The following SPTLC3 variants were observed in gnomAD, a reference collection of about 807,000 sequenced individuals.
SPTLC3 encodes the protein serine palmitoyltransferase long chain base subunit 3.
In SPTLC3, 36 loss-of-function variants were observed where a neutral mutation model predicts 59.3. That is an observed-to-expected ratio of 0.61 (90% CI 0.47 to 0.80). SPTLC3 has a LOEUF of 0.80. Ranked by LOEUF, SPTLC3 falls within the 30% of genes least tolerant of loss-of-function variation. The pLI, the probability that SPTLC3 is intolerant of heterozygous loss-of-function variation, is 0.00. For synonymous variants in SPTLC3, 257 were observed against 240.8 expected (o/e 1.07, Z -0.62); for missense variants, 625 against 685.1 (o/e 0.91, Z 0.98).
intron 1 of SPTLC3, among the ~76,000 whole-genome samples, chr20:13,040,046 C>CGTGT (rs3038800): frequency 0.022 from 3,319 of 147,978 alleles, 90 homozygotes; most frequent in African/African-American, 0.061. Flanking sequence ...TATGCATGTA[C>CGTGT]GTGTGTGTGT....
chr20:13,137,663 G>T (rs748372768), intron 9 of SPTLC3, among the ~76,000 whole-genome samples: 23 of 152,114 alleles, frequency 1.5e-4, no homozygotes, highest in Non-Finnish European at 1.9e-4. Flanking sequence ...TCTGTTCATT[G>T]AAGTAGTTCA....
chr20:13,140,546 T>C (rs1345978333), intron 9 of SPTLC3, among the ~76,000 whole-genome samples: 1 of 152,164 alleles, frequency 6.6e-6, no homozygotes, highest in African/African-American at 2.4e-5. Flanking sequence ...TCACTTGCAT[T>C]TTATCTACTT....
chr20:13,116,460 T>G (rs920110488), intron 7 of SPTLC3, among the ~76,000 whole-genome samples: 2 of 152,190 alleles, frequency 1.3e-5, no homozygotes, highest in East Asian at 1.9e-4. Context: ...TACTGTCAGA[T>G]TTTTTTAATC....
intron 9 of SPTLC3, among the ~76,000 whole-genome samples, chr20:13,129,389 T>C (rs773293697): frequency 6.6e-6 from 1 of 152,216 alleles, no homozygotes; most frequent in Admixed American, 6.5e-5. Context: ...TGAAAAACTG[T>C]TCTGGAACTA....
At chr20:13,053,273 C>A (rs2122511268) in intron 2 of SPTLC3, among the ~76,000 whole-genome samples, 1 of 152,264 alleles carries the variant, frequency 6.6e-6, no homozygotes, top group Admixed American at 6.5e-5. Context: ...GGGCCTCCAG[C>A]AAACTCCAGC....
At chr20:13,119,092 C>T (rs1157535755) in intron 8 of SPTLC3, among the ~76,000 whole-genome samples, 1 of 152,200 alleles carries the variant, frequency 6.6e-6, no homozygotes, top group Admixed American at 6.5e-5. Context: ...CCTAGACTGT[C>T]GAAGCAGTAG....
intron 6 of SPTLC3, among the ~76,000 whole-genome samples, chr20:13,104,424 C>G (rs1295564472): frequency 6.6e-6 from 1 of 152,188 alleles, no homozygotes; most frequent in Admixed American, 6.5e-5. Context: ...TTGGCTCCCA[C>G]TCTCTCGTCT....
At chr20:13,127,993 G>A (rs1432257188) in intron 9 of SPTLC3, among the ~76,000 whole-genome samples, 1 of 152,198 alleles carries the variant, frequency 6.6e-6, no homozygotes, top group Non-Finnish European at 1.5e-5. Flanking sequence ...CCTTAGATGA[G>A]TGACTTATCT....
intron 4 of SPTLC3, among the ~76,000 whole-genome samples, chr20:13,081,389 G>A (rs1413503653): frequency 1.3e-5 from 2 of 152,130 alleles, no homozygotes; most frequent in Non-Finnish European, 2.9e-5. Flanking sequence ...CAAATTATCT[G>A]CTATCATTTA....
intron 11 of SPTLC3, among the ~76,000 whole-genome samples, chr20:13,162,149 G>A (rs1348956778): frequency 6.6e-6 from 1 of 152,164 alleles, no homozygotes; most frequent in African/African-American, 2.4e-5. Flanking sequence ...AATAGGTTTA[G>A]AAAATACCCT....
At chr20:13,068,764 C>T (rs190278) in intron 2 of SPTLC3, among the ~76,000 whole-genome samples, 1,842 of 113,974 alleles carry the variant, frequency 0.016, 39 homozygotes, top group African/African-American at 0.052. Context: ...AAAAAAAAAA[C>T]AACAACAACA....
chr20:13,166,040 T>A lies in SPTLC3; in HGVS notation c.*1173T>A, dbSNP rs1168290743. 1 of 152,626 alleles carries A rather than the reference T, an allele frequency of 6.6e-6. No homozygotes were observed. The highest frequency in any genetic ancestry group is 6.5e-5 in the Admixed American group (1 of 15,276). 9.5% of individuals were successfully genotyped at this position (152,626 alleles called of 1,614,324 possible). A position where few individuals can be genotyped will look rare whatever the true frequency, so the allele number is the denominator to read the frequency against. ...CCTCTTGTTAATCTGATCTAGTTTG[T>A]ATGGAAAAAGCCCATGGAGAACCTT... is the stretch of plus-strand genomic sequence containing the variant. On this transcript the variant is annotated 3_prime_UTR_variant, in exon 12 of 12. Transcript: ENST00000399002.
chr20:13,041,988 C>G (rs956816453), intron 1 of SPTLC3, among the ~76,000 whole-genome samples: 1 of 152,216 alleles, frequency 6.6e-6, no homozygotes, highest in Non-Finnish European at 1.5e-5. Flanking sequence ...CTCCACTCCA[C>G]TACTTGCTGC....
At chr20:13,072,877 C>T (rs1315589390) in intron 3 of SPTLC3, among the ~76,000 whole-genome samples, 6 of 152,202 alleles carry the variant, frequency 3.9e-5, no homozygotes, top group African/African-American at 1.4e-4. Context: ...TGCCCAACTT[C>T]ATCATGGGTT....
chr20:13,046,187 C>T (rs1490801106), intron 1 of SPTLC3, among the ~76,000 whole-genome samples: 1 of 152,152 alleles, frequency 6.6e-6, no homozygotes, highest in African/African-American at 2.4e-5. Flanking sequence ...AAGCCTACTG[C>T]TCTTCCCTCT....
intron 6 of SPTLC3, among the ~76,000 whole-genome samples, chr20:13,103,374 A>C (rs1989690368): frequency 6.6e-6 from 1 of 152,200 alleles, no homozygotes; most frequent in Admixed American, 6.5e-5. Context: ...TTTGGGCTGA[A>C]TCTTGAAGGA....
rs548715002 is a variant in SPTLC3 at position 13,074,374 on chromosome 20, G to A, written c.484G>A (p.Val162Ile). Reference sequence around the variant, plus strand: ...GTTTACTGGAAGAGTCATCAAAGATGTCATCAACATGGGCTCCTATAACTT... The same window carrying A: ...GTTTACTGGAAGAGTCATCAAAGATATCATCAACATGGGCTCCTATAACTT... Reference protein sequence around the residue: ...FRFTGRVIKDVINMGSYNFLG... With the variant: ...FRFTGRVIKDIINMGSYNFLG... The change falls in exon 4 of 12, where the codon GTC becomes ATC. Residue 162 changes from valine (V) to isoleucine (I), a missense_variant. By Grantham distance (29) the Val-to-Ile change is conservative (BLOSUM62 3). Transcript: ENST00000399002. 70 of 1,614,064 alleles carry A rather than the reference G, an allele frequency of 4.3e-5. No homozygotes were observed. In the East Asian group the frequency reaches 1.2e-3, roughly 28 times the overall value.
chr20:13,041,091 C>G (rs1389480546), intron 1 of SPTLC3, among the ~76,000 whole-genome samples: 1 of 152,070 alleles, frequency 6.6e-6, no homozygotes, highest in Admixed American at 6.5e-5. Flanking sequence ...AAATGGATAT[C>G]ATTAAGCTTC....
chr20:13,129,948 AAAAC>A (rs756191273), intron 9 of SPTLC3, among the ~76,000 whole-genome samples: 15 of 152,242 alleles, frequency 9.9e-5, no homozygotes, highest in Non-Finnish European at 1.9e-4. Flanking sequence ...AGAGAAAAAA[AAAAC>A]AGAGAATGCT....
Sources: gnomAD v4.1 joint callset for allele counts (sites outside exome capture counted in the v4.1 genomes callset) on GRCh38, gnomAD v4.1.1 for gene constraint, MANE v1.5 for transcripts, NCBI Gene and HGNC (gene_info 2026-07-23, HGNC 2026-07-21) for gene names.